The following ZNF469 variants were observed in gnomAD, a reference collection of about 807,000 sequenced individuals.
The protein encoded by ZNF469 is zinc finger protein 469.
In ZNF469, 1 loss-of-function variant was observed where a neutral mutation model predicts 1.0. The ratio of observed to expected loss-of-function variants is 1.00; its 90% confidence interval spans 0.35 to 4.73. The LOEUF (loss-of-function observed/expected upper bound fraction) is 4.73, where lower values mean the gene tolerates loss of function less well. ZNF469 is among the 30% of genes most tolerant of loss of function. The probability of loss-of-function intolerance (pLI) is 0.16; values close to 1 mark genes in which losing one functional copy is unlikely to be tolerated. For synonymous variants in ZNF469, 2,703 were observed against 2,363.4 expected (o/e 1.14, Z -4.17); for missense variants, 6,100 against 5,356.3 (o/e 1.14, Z -4.33).
At position 88,436,064 on chromosome 16, in the gene ZNF469, C is replaced by G. The variant is rs1330767118; in HGVS notation, c.8594C>G (p.Pro2865Arg). 2 of 1,550,186 alleles carry G rather than the reference C, an allele frequency of 1.3e-6. No homozygotes were observed. The highest frequency in any genetic ancestry group is 1.7e-6 in the Non-Finnish European group (2 of 1,146,976). The part of the protein sequence containing the change: ...DEVSFSQLFP[P>R]GGRLTRKRNP... ...GTCTCTTTCTCCCAGCTCTTCCCTC[C>G]AGGCGGTCGCTTGACTAGAAAGAGG... Residue 2865 changes from proline (P) to arginine (R), a missense_variant, in exon 3 of 3, where the codon CCA becomes CGA. Physicochemically the swap from Pro to Arg is moderately radical, Grantham distance 103. Coordinates refer to ENST00000565624, the MANE Select transcript of ZNF469 (RefSeq NM_001367624.2).
chr16:88,401,583 ATGAATAGGTAGATGGATGGATAGTTGGG>A (rs1599350662), intron 1 of ZNF469, among the ~76,000 whole-genome samples: 1 of 111,782 alleles, frequency 8.9e-6, no homozygotes, highest in Admixed American at 8.7e-5. Context: ...ACATGGGTGG[ATGAATAGGTAGATGGATGGATAGTTGGG>A]TGAGTGGATG....
the ZNF469 span, among the ~76,000 whole-genome samples, chr16:88,240,157 G>A: frequency 2.0e-5 from 3 of 151,940 alleles, no homozygotes; most frequent in Non-Finnish European, 4.4e-5. Flanking sequence ...AGCCTGCTCT[G>A]TCCTGCCAGC....
At chr16:88,171,533 C>T in the ZNF469 span, among the ~76,000 whole-genome samples, 3 of 152,212 alleles carry the variant, frequency 2.0e-5, no homozygotes, top group Non-Finnish European at 4.4e-5. Context: ...ACAATCTTGG[C>T]TTCAGATACA....
upstream of ZNF469, among the ~76,000 whole-genome samples, chr16:88,381,260 A>T (rs2092523902): frequency 6.9e-6 from 1 of 145,126 alleles, no homozygotes; most frequent in South Asian, 2.3e-4. Context: ...ACTCACACGC[A>T]CTCACACAGA....
At chr16:88,321,491 A>G in the ZNF469 span, among the ~76,000 whole-genome samples, 2 of 150,886 alleles carry the variant, frequency 1.3e-5, no homozygotes, top group African/African-American at 4.9e-5. Flanking sequence ...TGGCTCTCAG[A>G]GTCTGCATGT....
the ZNF469 span, among the ~76,000 whole-genome samples, chr16:88,241,313 C>T: frequency 6.5e-4 from 98 of 151,272 alleles, 1 homozygote; most frequent in Non-Finnish European, 1.1e-3. The surrounding 1 kb of genome is among the most constrained non-coding windows in gnomAD (Gnocchi z 4.8). Flanking sequence ...GAGCCAAGAT[C>T]GCGCCACTGC....
chr16:88,107,363 A>G, the ZNF469 span, among the ~76,000 whole-genome samples: 1 of 152,386 alleles, frequency 6.6e-6, no homozygotes, highest in African/African-American at 2.4e-5. Context: ...TTCACAAGGC[A>G]GCAGGAAGGA....
intron 1 of ZNF469, among the ~76,000 whole-genome samples, chr16:88,389,473 G>T (rs772651757): frequency 6.6e-6 from 1 of 152,234 alleles, no homozygotes; most frequent in African/African-American, 2.4e-5. Flanking sequence ...GAGCTTTTGT[G>T]TACCGCTTCT....
At chr16:88,370,454 G>A in the ZNF469 span, among the ~76,000 whole-genome samples, 1 of 152,128 alleles carries the variant, frequency 6.6e-6, no homozygotes, top group African/African-American at 2.4e-5. Context: ...CGTGCTCACT[G>A]TCCCCCCAGT....
At chr16:88,298,247 A>C in the ZNF469 span, among the ~76,000 whole-genome samples, 4 of 151,668 alleles carry the variant, frequency 2.6e-5, no homozygotes, top group African/African-American at 9.7e-5. Flanking sequence ...TGTGCTGTCC[A>C]CTCCCATAGG....
At chr16:88,303,501 C>G in the ZNF469 span, among the ~76,000 whole-genome samples, 2 of 152,170 alleles carry the variant, frequency 1.3e-5, no homozygotes, top group African/African-American at 4.8e-5. Context: ...GGCCCTGGCT[C>G]CCATGGAACT....
At chr16:88,374,465 C>T in the ZNF469 span, among the ~76,000 whole-genome samples, 1 of 152,166 alleles carries the variant, frequency 6.6e-6, no homozygotes, top group African/African-American at 2.4e-5. Flanking sequence ...GGCACTGAGA[C>T]CAGGAACATA....
chr16:88,313,645 T>C, the ZNF469 span, among the ~76,000 whole-genome samples: 1 of 152,018 alleles, frequency 6.6e-6, no homozygotes, highest in African/African-American at 2.4e-5. Flanking sequence ...GTGATTATGA[T>C]AATGCTGGTG....
At chr16:88,279,851 T>C in the ZNF469 span, among the ~76,000 whole-genome samples, 4,369 of 84,110 alleles carry the variant, frequency 0.052, 820 homozygotes, top group Non-Finnish European at 0.076. Flanking sequence ...TGTGCCATGC[T>C]GACACTCGGT....
At chr16:88,187,283 A>G in the ZNF469 span, among the ~76,000 whole-genome samples, 8 of 152,236 alleles carry the variant, frequency 5.3e-5, no homozygotes, top group Non-Finnish European at 1.2e-4. Context: ...CGGACCCCGC[A>G]GAACCTAGCA....
chr16:88,350,095 G>T, the ZNF469 span, among the ~76,000 whole-genome samples: 1 of 152,146 alleles, frequency 6.6e-6, no homozygotes, highest in East Asian at 1.9e-4. Flanking sequence ...GAGAAGGGCA[G>T]TTCCTCCCGC....
the ZNF469 span, among the ~76,000 whole-genome samples, chr16:88,193,865 G>A: frequency 6.6e-6 from 1 of 152,180 alleles, no homozygotes; most frequent in Non-Finnish European, 1.5e-5. Context: ...CCCTCACATG[G>A]CGGAAGGGGC....
At chr16:88,112,854 T>G in the ZNF469 span, among the ~76,000 whole-genome samples, 1 of 131,510 alleles carries the variant, frequency 7.6e-6, no homozygotes, top group Non-Finnish European at 1.6e-5. Flanking sequence ...CTCAGCTCAC[T>G]GCAAGCTCTG....
At chr16:88,381,634 A>T (rs1207301497), upstream of ZNF469, among the ~76,000 whole-genome samples, 1 of 152,214 alleles carries the variant, frequency 6.6e-6, no homozygotes, top group African/African-American at 2.4e-5. Context: ...GGAAAGGGAG[A>T]TCCCAGGACC....
Sources: allele counts gnomAD v4.1 joint callset (sites outside exome capture counted in the v4.1 genomes callset), GRCh38; gene constraint gnomAD v4.1.1; non-coding constraint Gnocchi (gnomAD v3.1); transcripts MANE v1.5; gene names NCBI Gene and HGNC (gene_info 2026-07-23, HGNC 2026-07-21).